The following NNT variants were observed in gnomAD, a reference collection of about 807,000 sequenced individuals.
The protein encoded by NNT is nicotinamide nucleotide transhydrogenase.
NNT carries 50 observed loss-of-function variants against 104.8 expected under a neutral mutation model. That is an observed-to-expected ratio of 0.48 (90% CI 0.38 to 0.60). The LOEUF (loss-of-function observed/expected upper bound fraction) is 0.60, where lower values mean the gene tolerates loss of function less well. NNT is among the 20% of genes least tolerant of loss of function. NNT has a pLI of 0.00. For synonymous variants in NNT, 461 were observed against 490.4 expected (o/e 0.94, Z 0.79); for missense variants, 1,131 against 1,330.7 (o/e 0.85, Z 2.33).
intron 17 of NNT, among the ~76,000 whole-genome samples, chr5:43,671,645 A>G (rs1401465001): frequency 6.6e-6 from 1 of 152,234 alleles, no homozygotes; most frequent in Non-Finnish European, 1.5e-5. Flanking sequence ...GTTTCTGCTG[A>G]GAGATCAGCT....
At chr5:43,612,182 T>C (rs1749533685) in intron 2 of NNT, among the ~76,000 whole-genome samples, 2 of 152,218 alleles carry the variant, frequency 1.3e-5, no homozygotes, top group Admixed American at 1.3e-4. Flanking sequence ...TGATCTACTC[T>C]CCTTGTCCCT....
intron 3 of NNT, 176 bp downstream of exon 3, chr5:43,613,313 T>G (rs1749600760): frequency 3.4e-6 from 2 of 580,010 alleles, no homozygotes; most frequent in Non-Finnish European, 6.1e-6. Context: ...AAAACTTTTA[T>G]CAGACAATAT....
chr5:43,648,340 C>A, intron 10 of NNT: 1 of 624,924 alleles, frequency 1.6e-6, no homozygotes, highest in Non-Finnish European at 2.0e-6. Flanking sequence ...TCCCTGGTCA[C>A]CCACTGTCAT....
intron 13 of NNT, among the ~76,000 whole-genome samples, chr5:43,652,772 C>T (rs1342981574): frequency 2.6e-5 from 4 of 152,148 alleles, no homozygotes; most frequent in African/African-American, 7.2e-5. Flanking sequence ...GGCTCTTTTA[C>T]AGCATTTGGT....
chr5:43,612,560 C>T (rs1363831206), intron 2 of NNT, among the ~76,000 whole-genome samples: 1 of 152,148 alleles, frequency 6.6e-6, no homozygotes, highest in Non-Finnish European at 1.5e-5. Context: ...AGACCATAAC[C>T]TTGCCCTTAG....
chr5:43,705,102 G>A lies in NNT; in HGVS notation c.*698G>A, dbSNP rs1224571947. On this transcript the variant is annotated 3_prime_UTR_variant, in exon 22 of 22. Transcript: ENST00000344920. ...ACATACAACTTGAAAATTAGTAATA[G>A]TATTTTTGAAGATCCCATTTCTAAT... 6.6e-6 allele frequency: 1 copy of A among 151,984 alleles called. No individual in the cohort carries two copies. The highest frequency in any genetic ancestry group is 1.5e-5 in the Non-Finnish European group (1 of 67,976). The allele number at this position is 151,984 out of a possible 1,614,324, so 9.4% of individuals were successfully genotyped here. A position where few individuals can be genotyped will look rare whatever the true frequency, so the allele number is the denominator to read the frequency against.
chr5:43,651,588 AT>A, intron 12 of NNT, 150 bp from the exon 13 acceptor site: 1 of 816,212 alleles, frequency 1.2e-6, no homozygotes, highest in South Asian at 1.9e-5. Context: ...AAAAAAAAAA[AT>A]TTGAGGTTGC....
intron 17 of NNT, among the ~76,000 whole-genome samples, chr5:43,664,784 C>T (rs1001639286): frequency 6.6e-6 from 1 of 152,056 alleles, no homozygotes; most frequent in African/African-American, 2.4e-5. Flanking sequence ...ACCATAAATG[C>T]TAAACATTTG....
At chr5:43,629,806 C>G (rs940187535) in intron 7 of NNT, among the ~76,000 whole-genome samples, 1 of 151,988 alleles carries the variant, frequency 6.6e-6, no homozygotes, top group Non-Finnish European at 1.5e-5. Context: ...TGTCCTTTGT[C>G]CACTTTTTGA....
At chr5:43,637,885 T>TG (rs1751019827) in intron 7 of NNT, among the ~76,000 whole-genome samples, 1 of 152,108 alleles carries the variant, frequency 6.6e-6, no homozygotes, top group Admixed American at 6.6e-5. Context: ...ACTAATAAGG[T>TG]GATAAGATTA....
At chr5:43,666,031 G>A (rs531321159) in intron 17 of NNT, among the ~76,000 whole-genome samples, 2 of 152,080 alleles carry the variant, frequency 1.3e-5, no homozygotes, top group African/African-American at 4.8e-5. Context: ...CATCCCAGAC[G>A]ATGGGCGGCC....
intron 6 of NNT, among the ~76,000 whole-genome samples, 180 bp from the exon 7 acceptor site, chr5:43,628,020 C>G (rs1750459002): frequency 1.3e-5 from 2 of 152,146 alleles, no homozygotes; most frequent in East Asian, 1.9e-4. Context: ...AAAGAATATT[C>G]TCATAAATAT....
At chr5:43,638,747 G>T (rs1396942712) in intron 7 of NNT, among the ~76,000 whole-genome samples, 2 of 150,280 alleles carry the variant, frequency 1.3e-5, no homozygotes, top group Non-Finnish European at 1.5e-5. Flanking sequence ...ACATGCTGTT[G>T]AGTAATTCCA....
Position 43,704,327 on chromosome 5 carries a change from A to G in NNT, c.3184A>G (p.Thr1062Ala), listed in dbSNP as rs1743006335. 6.2e-7 allele frequency: 1 copy of G among 1,612,364 alleles called. No individual in the cohort carries two copies. The highest frequency in any genetic ancestry group is 8.5e-7 in the Non-Finnish European group (1 of 1,179,260). ...VDNPIFYKPN[T>A]AMLLGDAKKT... ...CAATCCAATCTTCTACAAACCTAAC[A>G]CGGCCATGCTTCTAGGTGATGCCAA... The change falls in exon 22 of 22, where the codon ACG becomes GCG. Residue 1062 changes from threonine to alanine, a missense_variant. Transcript: ENST00000344920.
At chr5:43,691,432 T>A (rs1289397874) in intron 19 of NNT, among the ~76,000 whole-genome samples, 1 of 152,158 alleles carries the variant, frequency 6.6e-6, no homozygotes, top group African/African-American at 2.4e-5. Context: ...AGTTGTTAGC[T>A]ATTTTGTCTT....
intron 6 of NNT, among the ~76,000 whole-genome samples, chr5:43,627,831 A>G (rs1750449139): frequency 6.6e-6 from 1 of 152,142 alleles, no homozygotes; most frequent in African/African-American, 2.4e-5. Context: ...TACAAGTGAA[A>G]AACCTCATCC....
chr5:43,653,466 T>G (rs1484912542), intron 14 of NNT: 1 of 386,140 alleles, frequency 2.6e-6, no homozygotes, highest in African/African-American at 2.0e-5. Flanking sequence ...TCCCGTTAGC[T>G]GATAATGGAA....
At chr5:43,664,480 T>C (rs1468762618) in intron 17 of NNT, among the ~76,000 whole-genome samples, 1 of 152,226 alleles carries the variant, frequency 6.6e-6, no homozygotes, top group East Asian at 1.9e-4. Context: ...GTAAATGGTA[T>C]ATATGTTATT....
chr5:43,655,300 G>A lies in NNT; in HGVS notation c.2060-540G>A, dbSNP rs376505563. On this transcript the variant is annotated intron_variant, in intron 14 of 21. Transcript: ENST00000344920. ...GCTGGGTGTTCATTGGAGTTGGGTC[G>A]TGCTTAGGTGTGTGGAGAAAAACTG... Among the ~76,000 whole-genome samples the A allele has an allele frequency of 9.2e-5, 14 of 152,168 alleles. No individual in the cohort carries two copies. The East Asian group carries it at 1.5e-3, about 17-fold the overall frequency.
Sources: gnomAD v4.1 joint callset for allele counts (sites outside exome capture counted in the v4.1 genomes callset) on GRCh38, gnomAD v4.1.1 for gene constraint, MANE v1.5 for transcripts, NCBI Gene and HGNC (gene_info 2026-07-23, HGNC 2026-07-21) for gene names.